The following PLSCR5 variants were observed in gnomAD, a reference collection of about 807,000 sequenced individuals.
PLSCR5 encodes phospholipid scramblase family member 5.
A neutral mutation model predicts 33.6 loss-of-function variants in PLSCR5; 44 were observed. The observed-to-expected ratio is 1.31, with a 90% CI of 1.03 to 1.69. PLSCR5 has a LOEUF of 1.69. Ranked by LOEUF, PLSCR5 falls within the 40% of genes most tolerant of loss-of-function variation. PLSCR5 has a pLI of 0.00. For synonymous variants in PLSCR5, 148 were observed against 112.3 expected (o/e 1.32, Z -2.01); for missense variants, 375 against 318.7 (o/e 1.18, Z -1.34).
chr3:146,600,490 A>G (rs1253880363), intron 1 of PLSCR5, 27 bp from the exon 2 acceptor site: 3 of 1,532,624 alleles, frequency 2.0e-6, no homozygotes, highest in East Asian at 4.8e-5. Context: ...ATCCCAATCC[A>G]TATTTAAATT....
At chr3:146,600,996 TAA>T (rs201562511) in intron 1 of PLSCR5, among the ~76,000 whole-genome samples, 13,509 of 148,862 alleles carry the variant, frequency 0.091, 818 homozygotes, top group Middle Eastern at 0.15. Flanking sequence ...TATATTTGTA[TAA>T]GTCTATATTT....
Position 146,585,938 on chromosome 3 carries a change from G to T in PLSCR5, c.*49C>A. 3.2e-6 allele frequency: 3 copies of T among 933,050 alleles called. No homozygotes were observed. The highest frequency in any genetic ancestry group is 4.5e-6 in the Non-Finnish European group (3 of 668,298). The allele number at this position is 933,050 out of a possible 1,614,324, so 57.8% of individuals were successfully genotyped here. ...CAGAAATGAAATCCAGAGCCCAAGGGATTTCTAGAAGAAAATGAAAAAGAG... is the reference window on the plus strand; with the variant it reads ...CAGAAATGAAATCCAGAGCCCAAGGTATTTCTAGAAGAAAATGAAAAAGAG... On this transcript the variant is annotated 3_prime_UTR_variant, in exon 8 of 8. Coordinates refer to ENST00000443512, the MANE Select transcript of PLSCR5 (RefSeq NM_001085420.2).
chr3:146,591,899 G>T lies in PLSCR5; in HGVS notation c.454-18C>A. Reference sequence around the variant, plus strand: ...ATTTCTAACTGTAAGAAGAGATAATGATAAAATAAGATTTTCTTAGGTTAT... The same window carrying T: ...ATTTCTAACTGTAAGAAGAGATAATTATAAAATAAGATTTTCTTAGGTTAT... On this transcript the variant is annotated intron_variant, in intron 4 of 7. Coordinates refer to ENST00000443512, the MANE Select transcript of PLSCR5 (RefSeq NM_001085420.2). The T allele has an allele frequency of 6.5e-7, 1 of 1,544,590 alleles. No individual in the cohort carries two copies. Among genetic ancestry groups the T allele is most frequent in the Non-Finnish European group, 8.7e-7 (1 of 1,142,940 alleles).
At chr3:146,579,244 A>G (rs937779904) in intron 7 of PLSCR5, among the ~76,000 whole-genome samples, 13 of 152,184 alleles carry the variant, frequency 8.5e-5, no homozygotes, top group Non-Finnish European at 1.6e-4. Flanking sequence ...AGAAATGATA[A>G]AAATCAAAGT....
At position 146,587,596 on chromosome 3, in the gene PLSCR5, A is replaced by T. The variant is rs566346010; in HGVS notation, c.778-1484T>A. ...GATCAAAGATGGGAACAGTAAGCAA[A>T]GGAAGGGTGACAAGTTAAAAGCACT... On this transcript the variant is annotated intron_variant, in intron 6 of 7. Transcript: ENST00000443512. Among the ~76,000 whole-genome samples the T allele has an allele frequency of 6.6e-5, 10 of 152,198 alleles. No homozygotes were observed. The East Asian group carries it at 1.9e-3, about 29-fold the overall frequency.
chr3:146,588,007 T>C (rs2044679195), intron 6 of PLSCR5, among the ~76,000 whole-genome samples: 1 of 152,010 alleles, frequency 6.6e-6, no homozygotes, highest in African/African-American at 2.4e-5. Context: ...GGCATTAATG[T>C]AAACAATCAG....
chr3:146,578,529 T>C (rs1034524453), intron 7 of PLSCR5, among the ~76,000 whole-genome samples: 5 of 152,124 alleles, frequency 3.3e-5, no homozygotes, highest in African/African-American at 1.2e-4. Flanking sequence ...TGCCCACTCA[T>C]ATTCTTCATT....
intron 6 of PLSCR5, among the ~76,000 whole-genome samples, chr3:146,589,370 C>T (rs972499590): frequency 6.6e-5 from 10 of 151,934 alleles, no homozygotes; most frequent in East Asian, 1.9e-4. Context: ...CTAAATTGAA[C>T]GTAAAAGCAA....
At chr3:146,579,825 T>C (rs1251996444) in intron 7 of PLSCR5, among the ~76,000 whole-genome samples, 1 of 152,226 alleles carries the variant, frequency 6.6e-6, no homozygotes, top group Non-Finnish European at 1.5e-5. Context: ...GGGGCACAGC[T>C]GAGTGGGACA....
At chr3:146,577,378 C>G (rs905997453) in intron 7 of PLSCR5, among the ~76,000 whole-genome samples, 1 of 151,982 alleles carries the variant, frequency 6.6e-6, no homozygotes, top group African/African-American at 2.4e-5. Context: ...CCTCTGAAGG[C>G]GATCAGGATG....
chr3:146,589,489 G>A, intron 6 of PLSCR5, 164 bp downstream of exon 6: 2 of 583,590 alleles, frequency 3.4e-6, no homozygotes, highest in East Asian at 3.4e-5. Flanking sequence ...GAAATGCAGG[G>A]TTCTAAATTC....
At chr3:146,587,493 G>A (rs188653141) in intron 6 of PLSCR5, among the ~76,000 whole-genome samples, 1 of 152,244 alleles carries the variant, frequency 6.6e-6, no homozygotes, top group East Asian at 1.9e-4. Flanking sequence ...CGTTAAGTGT[G>A]GGGCTTAATC....
At chr3:146,588,429 C>T (rs935602433) in intron 6 of PLSCR5, among the ~76,000 whole-genome samples, 1 of 152,006 alleles carries the variant, frequency 6.6e-6, no homozygotes, top group African/African-American at 2.4e-5. Context: ...CAAGATTGCG[C>T]CACTGCACTC....
Position 146,595,094 on chromosome 3 carries a change from T to C in PLSCR5, c.190-11A>G. 2.2e-6 allele frequency: 3 copies of C among 1,393,808 alleles called. No homozygotes were observed. The highest frequency in any genetic ancestry group is 1.9e-5 in the South Asian group (1 of 53,850). The allele number at this position is 1,393,808 out of a possible 1,614,324, so 86.3% of individuals were successfully genotyped here. On this transcript the variant is annotated splice_polypyrimidine_tract_variant and intron_variant, in intron 2 of 7. Coordinates refer to ENST00000443512, the MANE Select transcript of PLSCR5 (RefSeq NM_001085420.2). ...AATTATCAGGTCTAACTGTAAAGGATGACATAAAAGGAAATAAAAAGTATT... is the reference window on the plus strand; with the variant it reads ...AATTATCAGGTCTAACTGTAAAGGACGACATAAAAGGAAATAAAAAGTATT...
At chr3:146,592,599 C>G (rs2044725353) in intron 4 of PLSCR5, among the ~76,000 whole-genome samples, 1 of 152,048 alleles carries the variant, frequency 6.6e-6, no homozygotes, top group South Asian at 2.1e-4. Flanking sequence ...ATCATCTGAT[C>G]TCATTTTGAC....
chr3:146,602,925 T>C (rs538625154), intron 1 of PLSCR5, among the ~76,000 whole-genome samples: 1 of 152,094 alleles, frequency 6.6e-6, no homozygotes, highest in East Asian at 1.9e-4. Context: ...AGTCTCTGCC[T>C]GAGACTGTTG....
chr3:146,577,151 A>G (rs978990303), intron 7 of PLSCR5, among the ~76,000 whole-genome samples: 7 of 152,094 alleles, frequency 4.6e-5, no homozygotes, highest in African/African-American at 1.4e-4. Context: ...TGATTTTTCT[A>G]CATTTATATT....
intron 3 of PLSCR5, among the ~76,000 whole-genome samples, chr3:146,594,688 C>T (rs1230680988): frequency 6.6e-6 from 1 of 152,048 alleles, no homozygotes; most frequent in Admixed American, 6.6e-5. Context: ...TGGTAAATCA[C>T]TCATTTAGTC....
chr3:146,582,466 C>G (rs935483267), downstream of PLSCR5, among the ~76,000 whole-genome samples: 2 of 152,140 alleles, frequency 1.3e-5, no homozygotes, highest in African/African-American at 4.8e-5. Flanking sequence ...ATGCCCAGCC[C>G]TCATTGGTTT....
Sources: gnomAD v4.1 joint callset for allele counts (sites outside exome capture counted in the v4.1 genomes callset) on GRCh38, gnomAD v4.1.1 for gene constraint, MANE v1.5 for transcripts, NCBI Gene and HGNC (gene_info 2026-07-23, HGNC 2026-07-21) for gene names.